Variants in DENND2B observed in about 807,000 individuals in gnomAD.
DENND2B encodes the protein DENN domain containing 2B.
A neutral mutation model predicts 116.0 loss-of-function variants in DENND2B; 32 were observed. That is an observed-to-expected ratio of 0.28 (90% CI 0.21 to 0.37). The LOEUF (loss-of-function observed/expected upper bound fraction) is 0.37, where lower values mean the gene tolerates loss of function less well. DENND2B is among the 10% of genes least tolerant of loss of function. The probability of loss-of-function intolerance (pLI) is 1.00; values close to 1 mark genes in which losing one functional copy is unlikely to be tolerated. For missense variants in DENND2B, 1,276 were observed against 1,477.7 expected (o/e 0.86, Z 2.24); for synonymous variants, 588 against 583.9 (o/e 1.01, Z -0.10).
At chr11:8,829,683 C>A (rs1450154832) in intron 4 of DENND2B, among the ~76,000 whole-genome samples, 1 of 152,154 alleles carries the variant, frequency 6.6e-6, no homozygotes, top group Non-Finnish European at 1.5e-5. Flanking sequence ...ACACTCTCTT[C>A]CATGCTGCTG....
intron 2 of DENND2B, among the ~76,000 whole-genome samples, chr11:8,870,355 G>A (rs989312215): frequency 6.6e-6 from 1 of 152,210 alleles, no homozygotes; most frequent in African/African-American, 2.4e-5. Flanking sequence ...ACGTTGACTA[G>A]AGTGTGGACC....
chr11:8,903,892 A>C (rs2064203116), intron 1 of DENND2B, among the ~76,000 whole-genome samples: 1 of 147,608 alleles, frequency 6.8e-6, no homozygotes, highest in South Asian at 2.1e-4. Context: ...CTTGTCTCAA[A>C]AAAAAAAAAA....
intron 15 of DENND2B, 29 bp downstream of exon 15, chr11:8,699,183 TC>T: frequency 6.5e-7 from 1 of 1,535,312 alleles, no homozygotes; most frequent in Non-Finnish European, 8.7e-7. Flanking sequence ...CCTCCACCCT[TC>T]CCCCCAGCTG....
At chr11:8,792,109 GC>G (rs2059434429) in intron 1 of DENND2B, among the ~76,000 whole-genome samples, 1 of 138,420 alleles carries the variant, frequency 7.2e-6, no homozygotes, top group Non-Finnish European at 1.6e-5. Flanking sequence ...GGAGGCTGAG[GC>G]AGGAGAATTG....
intron 3 of DENND2B, among the ~76,000 whole-genome samples, chr11:8,727,150 G>A (rs560516175): frequency 2.0e-5 from 3 of 152,236 alleles, no homozygotes; most frequent in South Asian, 4.1e-4. Context: ...GCAGGCTCCT[G>A]GGGAGGGAAA....
At chr11:8,855,296 A>G (rs2063155994) in intron 3 of DENND2B, among the ~76,000 whole-genome samples, 1 of 151,796 alleles carries the variant, frequency 6.6e-6, no homozygotes, top group Non-Finnish European at 1.5e-5. Context: ...GGAGGGGAAG[A>G]CTATCTCGCT....
intron 2 of DENND2B, among the ~76,000 whole-genome samples, chr11:8,732,579 C>T (rs1209950276): frequency 6.6e-6 from 1 of 152,224 alleles, no homozygotes; most frequent in African/African-American, 2.4e-5. Flanking sequence ...ACCATGGTTT[C>T]TTCTAGGCCC....
intron 1 of DENND2B, among the ~76,000 whole-genome samples, chr11:8,795,511 G>T (rs1332635023): frequency 6.6e-6 from 1 of 152,130 alleles, no homozygotes; most frequent in Non-Finnish European, 1.5e-5. Context: ...GCACAGTCAA[G>T]TCTGAAAACC....
chr11:8,801,671 T>C (rs1426684931), intron 1 of DENND2B, among the ~76,000 whole-genome samples: 55 of 56,136 alleles, frequency 9.8e-4, no homozygotes, highest in African/African-American at 2.6e-3. Context: ...GGCAAGACTT[T>C]GTCTCAAAAA....
At chr11:8,801,995 GAAAAAA>G (rs35017643) in intron 1 of DENND2B, among the ~76,000 whole-genome samples, 2 of 58,910 alleles carry the variant, frequency 3.4e-5, no homozygotes, top group Admixed American at 2.0e-4. Context: ...CTCTCTTGGG[GAAAAAA>G]AAAAAAAAAA....
At chr11:8,802,816 C>G (rs1440638028) in intron 1 of DENND2B, among the ~76,000 whole-genome samples, 2 of 152,184 alleles carry the variant, frequency 1.3e-5, no homozygotes, top group South Asian at 2.1e-4. Flanking sequence ...CCCAGGGCAC[C>G]AAGAGAAACC....
intron 1 of DENND2B, among the ~76,000 whole-genome samples, chr11:8,793,924 T>TA (rs1272366375): frequency 4.6e-5 from 7 of 152,172 alleles, no homozygotes; most frequent in Admixed American, 4.6e-4. Context: ...TAAATGTACA[T>TA]AAAAATGCAT....
At chr11:8,765,489 ATTTC>A (rs2055548390) in intron 1 of DENND2B, among the ~76,000 whole-genome samples, 1 of 152,218 alleles carries the variant, frequency 6.6e-6, no homozygotes, top group Admixed American at 6.5e-5. Context: ...CGATGATGTC[ATTTC>A]TTTCTGAGGC....
intron 1 of DENND2B, among the ~76,000 whole-genome samples, chr11:8,766,304 T>G (rs1593360017): frequency 6.6e-6 from 1 of 152,218 alleles, no homozygotes; most frequent in East Asian, 1.9e-4. Context: ...CCCCTCTGCC[T>G]GAACAGAAGT....
rs149828734 is a variant in DENND2B at position 8,696,649 on chromosome 11, C to T, written c.3070G>A (p.Gly1024Arg). The T allele has an allele frequency of 1.2e-6, 2 of 1,614,150 alleles. No homozygotes were observed. The highest frequency in any genetic ancestry group is 2.7e-5 in the African/African-American group (2 of 75,026). The change falls in exon 18 of 20, where the codon GGG (glycine) becomes AGG (arginine). Residue 1024 changes from glycine (G) to arginine (R), a missense_variant. Physicochemically the swap from Gly to Arg is moderately radical, Grantham distance 125. Coordinates refer to ENST00000313726, the MANE Select transcript of DENND2B (RefSeq NM_213618.2). ...DSDDECNTLN[G>R]LVSEVFIRFF... ...CGGATAAACACCTCCGACACCAGCC[C>T]ATTGAGGGTATTACATTCTGGAAGG...
intron 17 of DENND2B, 33 bp downstream of exon 17, chr11:8,697,492 G>C: frequency 6.4e-7 from 1 of 1,552,120 alleles, no homozygotes; most frequent in Non-Finnish European, 8.9e-7. Flanking sequence ...GGAGCCTGGA[G>C]CAGAGCTGAC....
At chr11:8,846,736 G>C (rs551266365) in intron 3 of DENND2B, among the ~76,000 whole-genome samples, 53 of 152,292 alleles carry the variant, frequency 3.5e-4, no homozygotes, top group African/African-American at 1.3e-3. Flanking sequence ...TCTGCTTATA[G>C]TCAGTTCTTC....
chr11:8,709,396 C>T (rs1274852968), intron 11 of DENND2B, among the ~76,000 whole-genome samples: 3 of 152,190 alleles, frequency 2.0e-5, no homozygotes, highest in African/African-American at 4.8e-5. Context: ...TCTCTGAGCA[C>T]GCCAGGACAA....
intron 1 of DENND2B, among the ~76,000 whole-genome samples, chr11:8,755,358 A>AT (rs1197822982): frequency 6.6e-6 from 1 of 152,232 alleles, no homozygotes; most frequent in Non-Finnish European, 1.5e-5. Context: ...GATGATAAAA[A>AT]TAAGTCAAGT....
Sources: gnomAD v4.1 joint callset for allele counts (sites outside exome capture counted in the v4.1 genomes callset) on GRCh38, gnomAD v4.1.1 for gene constraint, MANE v1.5 for transcripts, NCBI Gene and HGNC (gene_info 2026-07-23, HGNC 2026-07-21) for gene names.